Variants in GRM1 observed in about 807,000 individuals in gnomAD.
The protein encoded by GRM1 is glutamate metabotropic receptor 1.
GRM1 carries 33 observed loss-of-function variants against 90.9 expected under a neutral mutation model. The ratio of observed to expected loss-of-function variants is 0.36; its 90% CI spans 0.28 to 0.49. The LOEUF is 0.49. Among genes scored for constraint, GRM1 ranks in the 20% least tolerant of loss-of-function variants. GRM1 has a pLI of 0.99. For synonymous variants in GRM1, 700 were observed against 613.2 expected (o/e 1.14, Z -2.09); for missense variants, 1,190 against 1,534.3 (o/e 0.78, Z 3.75).
At chr6:146,430,724 C>G (rs946648480) in intron 7 of GRM1, among the ~76,000 whole-genome samples, 1 of 152,086 alleles carries the variant, frequency 6.6e-6, no homozygotes, top group East Asian at 1.9e-4. Flanking sequence ...GGGTTCCCTG[C>G]CTTCTCAAAT....
At chr6:146,070,508 T>C (rs376950667) in intron 1 of GRM1, among the ~76,000 whole-genome samples, 54 of 152,284 alleles carry the variant, frequency 3.5e-4, no homozygotes, top group African/African-American at 1.1e-3. Context: ...GCATTTCCAA[T>C]TGGATCACGG....
chr6:146,183,569 A>G (rs1476479281), intron 2 of GRM1, among the ~76,000 whole-genome samples: 1 of 152,164 alleles, frequency 6.6e-6, no homozygotes, highest in Non-Finnish European at 1.5e-5. Flanking sequence ...GGGTGGGAAC[A>G]CAGCTCTGAA....
chr6:146,327,259 T>C (rs1238818728), intron 3 of GRM1, among the ~76,000 whole-genome samples: 1 of 152,172 alleles, frequency 6.6e-6, no homozygotes, highest in Non-Finnish European at 1.5e-5. Flanking sequence ...TTTTAAAATA[T>C]GGAAAGTTTG....
chr6:146,222,578 A>AT (rs888019668), intron 2 of GRM1, among the ~76,000 whole-genome samples: 14 of 151,836 alleles, frequency 9.2e-5, no homozygotes, highest in Admixed American at 4.6e-4. Context: ...GAGAGAGAGA[A>AT]TTTTTTCCTA....
chr6:146,245,551 C>G (rs1205721347), intron 2 of GRM1, among the ~76,000 whole-genome samples: 1 of 152,048 alleles, frequency 6.6e-6, no homozygotes, highest in Non-Finnish European at 1.5e-5. Context: ...GACAGATGAT[C>G]AGATTTTATA....
chr6:146,224,171 A>G (rs1432077939), intron 2 of GRM1, among the ~76,000 whole-genome samples: 2 of 152,140 alleles, frequency 1.3e-5, no homozygotes, highest in Non-Finnish European at 2.9e-5. Flanking sequence ...TCATCTAATT[A>G]CTGATTACAG....
At chr6:146,339,808 C>T (rs1168324785) in intron 3 of GRM1, among the ~76,000 whole-genome samples, 1 of 152,202 alleles carries the variant, frequency 6.6e-6, no homozygotes, top group Admixed American at 6.5e-5. Context: ...AGCACGCTAG[C>T]CCTCAGCTAT....
At chr6:146,259,960 A>T (rs541448101) in intron 2 of GRM1, among the ~76,000 whole-genome samples, 23 of 147,470 alleles carry the variant, frequency 1.6e-4, no homozygotes, top group Admixed American at 5.4e-4. Context: ...ATACTTATTT[A>T]TATATATATA....
chr6:146,162,634 A>AC (rs1241914559), intron 2 of GRM1, among the ~76,000 whole-genome samples: 2 of 151,904 alleles, frequency 1.3e-5, no homozygotes, highest in Non-Finnish European at 2.9e-5. Context: ...CCTTAAAATG[A>AC]CCCCCTATTT....
chr6:146,361,188 T>C (rs1775454047), intron 5 of GRM1, among the ~76,000 whole-genome samples: 1 of 152,108 alleles, frequency 6.6e-6, no homozygotes. Context: ...CCTGCTATGG[T>C]GAGTCCAACA....
intron 1 of GRM1, among the ~76,000 whole-genome samples, chr6:146,104,619 G>A (rs942483455): frequency 6.6e-6 from 1 of 152,170 alleles, no homozygotes; most frequent in African/African-American, 2.4e-5. Flanking sequence ...GAATATTGCT[G>A]GAGAGTAGAG....
At chr6:146,106,149 G>A (rs1777219322) in intron 1 of GRM1, among the ~76,000 whole-genome samples, 1 of 152,102 alleles carries the variant, frequency 6.6e-6, no homozygotes, top group South Asian at 2.1e-4. Flanking sequence ...TCATGGGGTG[G>A]TAACATTTAT....
intron 6 of GRM1, among the ~76,000 whole-genome samples, chr6:146,396,365 T>A (rs1776934785): frequency 6.6e-6 from 1 of 152,116 alleles, no homozygotes; most frequent in Non-Finnish European, 1.5e-5. Context: ...ATCACTAAAA[T>A]AAAGTGATCT....
At chr6:146,265,779 G>A (rs1781862922) in intron 2 of GRM1, among the ~76,000 whole-genome samples, 1 of 152,120 alleles carries the variant, frequency 6.6e-6, no homozygotes, top group African/African-American at 2.4e-5. Flanking sequence ...TTATTGAATA[G>A]GGCATCCTTT....
intron 1 of GRM1, among the ~76,000 whole-genome samples, chr6:146,069,387 C>A (rs1775954859): frequency 6.6e-6 from 1 of 152,056 alleles, no homozygotes; most frequent in Admixed American, 6.5e-5. Context: ...TCTAAAGTAA[C>A]TTTTATATGT....
intron 6 of GRM1, among the ~76,000 whole-genome samples, chr6:146,390,315 A>C (rs781154199): frequency 2.2e-4 from 33 of 152,046 alleles, no homozygotes; most frequent in Admixed American, 3.9e-4. Context: ...TGAAGAAATT[A>C]GTATATTTCT....
chr6:146,224,928 T>C (rs773332915), intron 2 of GRM1, among the ~76,000 whole-genome samples: 35 of 152,258 alleles, frequency 2.3e-4, no homozygotes, highest in Middle Eastern at 3.4e-3. Context: ...GACTTTTCTC[T>C]TGGGGCACTT....
intron 2 of GRM1, among the ~76,000 whole-genome samples, chr6:146,230,714 G>C (rs1583196410): frequency 6.6e-6 from 1 of 152,230 alleles, no homozygotes; most frequent in South Asian, 2.1e-4. Flanking sequence ...ACCTGCATAT[G>C]GAAGTTTATA....
At chr6:146,069,061 T>C (rs1318338960) in intron 1 of GRM1, among the ~76,000 whole-genome samples, 1 of 152,242 alleles carries the variant, frequency 6.6e-6, no homozygotes, top group Non-Finnish European at 1.5e-5. Context: ...TTATGATCTT[T>C]TGATGTCAGT....
Sources: gnomAD v4.1 joint callset for allele counts (sites outside exome capture counted in the v4.1 genomes callset) on GRCh38, gnomAD v4.1.1 for gene constraint, MANE v1.5 for transcripts, NCBI Gene and HGNC (gene_info 2026-07-23, HGNC 2026-07-21) for gene names.